NSUN7: variants seen among roughly 807,000 people sequenced by gnomAD.
NSUN7 encodes protein NSUN7.
NSUN7 carries 39 observed loss-of-function variants against 58.5 expected under a neutral mutation model. That is an observed-to-expected ratio of 0.67 (90% confidence interval 0.52 to 0.87). The LOEUF is 0.87. Among genes scored for constraint, NSUN7 ranks in the 40% least tolerant of loss-of-function variants. The pLI is 0.00. For missense variants in NSUN7, 765 were observed against 844.1 expected (o/e 0.91, Z 1.16); for synonymous variants, 278 against 303.7 (o/e 0.92, Z 0.88).
At chr4:40,792,305 A>C (rs1467686778) in intron 8 of NSUN7, among the ~76,000 whole-genome samples, 1 of 152,186 alleles carries the variant, frequency 6.6e-6, no homozygotes, top group Non-Finnish European at 1.5e-5. Flanking sequence ...ATCCAGAAAA[A>C]AAATAAACCA....
intron 4 of NSUN7, among the ~76,000 whole-genome samples, chr4:40,771,431 C>T (rs775484506): frequency 7.9e-5 from 12 of 152,114 alleles, no homozygotes; most frequent in Admixed American, 2.0e-4. Context: ...CTCTCATGCA[C>T]GCCAGTTGGG....
intron 4 of NSUN7, among the ~76,000 whole-genome samples, chr4:40,771,625 A>C (rs1428627865): frequency 1.3e-5 from 2 of 151,812 alleles, no homozygotes; most frequent in African/African-American, 4.8e-5. Flanking sequence ...GTTCAGGTTG[A>C]GCTATTAAGA....
In NSUN7 at chr4:40,774,430, A is replaced by C; in HGVS notation, c.641+13A>C. The C allele has an allele frequency of 6.2e-7, 1 of 1,608,124 alleles. No individual in the cohort carries two copies. Among genetic ancestry groups the C allele is most frequent in the Non-Finnish European group, 8.5e-7 (1 of 1,175,714 alleles). Reference sequence around the variant, plus strand: ...CTTGTAAAATCAGGTAAGTGTTTAAATCAAATTCTTTATATTTCAAGTCTC... The same window carrying C: ...CTTGTAAAATCAGGTAAGTGTTTAACTCAAATTCTTTATATTTCAAGTCTC... On this transcript the variant is annotated intron_variant, in intron 5 of 11. Coordinates refer to ENST00000381782, the MANE Select transcript of NSUN7 (RefSeq NM_024677.6).
chr4:40,754,308 A>C (rs1183985471), intron 2 of NSUN7, among the ~76,000 whole-genome samples: 1 of 152,028 alleles, frequency 6.6e-6, no homozygotes, highest in Non-Finnish European at 1.5e-5. Context: ...CACCATGCCC[A>C]GCTAATTTTT....
intron 10 of NSUN7, among the ~76,000 whole-genome samples, chr4:40,801,919 AG>A (rs1473920167): frequency 7.1e-6 from 1 of 140,576 alleles, no homozygotes. Context: ...AAAAAAAAAA[AG>A]AAAAGAAAAG....
chr4:40,788,668 T>C (rs1225829565), intron 7 of NSUN7, among the ~76,000 whole-genome samples: 2 of 152,198 alleles, frequency 1.3e-5, no homozygotes, highest in Non-Finnish European at 2.9e-5. Flanking sequence ...CAATGCTTGT[T>C]TATCCCTATG....
chr4:40,794,255 A>AT, intron 8 of NSUN7, 120 bp from the exon 9 acceptor site: 1 of 497,060 alleles, frequency 2.0e-6, no homozygotes, highest in Non-Finnish European at 3.6e-6. Context: ...GTTTTAATAG[A>AT]TATTTTCCAT....
chr4:40,807,078 TTCCACTGTGC>T lies in NSUN7; in HGVS notation c.1422_1431del (p.Leu475Ter). 5 of 1,551,848 alleles carry T rather than the reference TTCCACTGTGC, an allele frequency of 3.2e-6. No individual in the cohort carries two copies. The South Asian group carries it at 6.0e-5, about 18-fold the overall frequency. On this transcript the variant is annotated frameshift_variant, in exon 11 of 12. Transcript: ENST00000381782. LOFTEE classifies it high-confidence loss of function. The stretch of plus-strand genomic sequence containing the variant: ...TGCTGCAGGCTTAGTCCTCCTGTTC[TTCCACTGTGC>T]TCCTTAAAGGAAATTCAATTGTCTA...
chr4:40,785,324 A>G (rs1452163845), intron 7 of NSUN7, among the ~76,000 whole-genome samples: 1 of 151,910 alleles, frequency 6.6e-6, no homozygotes, highest in Non-Finnish European at 1.5e-5. Flanking sequence ...GAAATCAGGG[A>G]AAAAAAGAAA....
At chr4:40,758,744 G>T (rs1741295755) in intron 2 of NSUN7, among the ~76,000 whole-genome samples, 3 of 151,980 alleles carry the variant, frequency 2.0e-5, no homozygotes, top group Admixed American at 2.0e-4. Context: ...AATTAGCCAG[G>T]TGTGGTGCCA....
rs1402565367 is a variant in NSUN7, at chr4:40,808,987, A to AAAG, written c.*49_*51dup. On this transcript the variant is annotated 3_prime_UTR_variant, in exon 12 of 12. Transcript: ENST00000381782. ...GCCAAAGAGCAGTTGATTTTTTTTC[A>AAAG]AAGTCTAGTATTTCTCTGAAGATTC... 27 of 1,449,392 alleles carry AAAG rather than the reference A, an allele frequency of 1.9e-5. No homozygotes were observed. Among genetic ancestry groups the AAAG allele is most frequent in the Admixed American group, 2.6e-5 (1 of 38,146 alleles). 89.8% of individuals were successfully genotyped at this position (1,449,392 alleles called of 1,614,324 possible).
chr4:40,752,910 T>A (rs924146828), intron 2 of NSUN7, among the ~76,000 whole-genome samples: 1 of 34,416 alleles, frequency 2.9e-5, no homozygotes, highest in Admixed American at 3.6e-4. Flanking sequence ...TCCAGTTTAA[T>A]CTCTGAGATT....
chr4:40,787,796 T>G (rs1264530039), intron 7 of NSUN7, among the ~76,000 whole-genome samples: 1 of 152,240 alleles, frequency 6.6e-6, no homozygotes, highest in Admixed American at 6.5e-5. Context: ...TACTTCCCAG[T>G]TCATTTTATA....
At chr4:40,761,406 G>A in intron 4 of NSUN7, 105 bp downstream of exon 4, 1 of 860,216 alleles carries the variant, frequency 1.2e-6, no homozygotes, top group Non-Finnish European at 1.7e-6. Context: ...AAATTTTATA[G>A]GGAAAAATAT....
intron 7 of NSUN7, among the ~76,000 whole-genome samples, chr4:40,782,539 C>G (rs977742262): frequency 6.9e-6 from 1 of 143,918 alleles, no homozygotes; most frequent in Admixed American, 7.3e-5. Flanking sequence ...TTGCACTCCA[C>G]CCTGTCTCAA....
chr4:40,784,938 A>G (rs1249126409), intron 7 of NSUN7, among the ~76,000 whole-genome samples: 1 of 152,236 alleles, frequency 6.6e-6, no homozygotes, highest in African/African-American at 2.4e-5. Context: ...AGAACACCGT[A>G]CCTAGTGACT....
chr4:40,773,955 C>G (rs1007207090), intron 4 of NSUN7, among the ~76,000 whole-genome samples: 1 of 152,028 alleles, frequency 6.6e-6, no homozygotes, highest in Non-Finnish European at 1.5e-5. Flanking sequence ...CCCGCCACCA[C>G]GCCCGGCTAA....
At chr4:40,761,536 G>A (rs1188302137) in intron 4 of NSUN7, among the ~76,000 whole-genome samples, 1 of 152,084 alleles carries the variant, frequency 6.6e-6, no homozygotes, top group Non-Finnish European at 1.5e-5. Flanking sequence ...AAGCATGTGA[G>A]AAATCATTAA....
chr4:40,755,800 G>A (rs1741114568), intron 2 of NSUN7, among the ~76,000 whole-genome samples: 2 of 152,214 alleles, frequency 1.3e-5, no homozygotes. Context: ...TCAGCAACAA[G>A]TAAAGGTACA....
Sources: gnomAD v4.1 joint callset for allele counts (sites outside exome capture counted in the v4.1 genomes callset) on GRCh38, gnomAD v4.1.1 for gene constraint, MANE v1.5 for transcripts, NCBI Gene and HGNC (gene_info 2026-07-23, HGNC 2026-07-21) for gene names.